ARHGEF11: variants seen among roughly 807,000 people sequenced by gnomAD.
The protein encoded by ARHGEF11 is Rho guanine exchange factor (GEF) 11.
A neutral mutation model predicts 193.7 loss-of-function variants in ARHGEF11; 55 were observed. The observed-to-expected ratio is 0.28, with a 90% CI of 0.23 to 0.36. ARHGEF11 has a LOEUF of 0.36. Ranked by LOEUF, ARHGEF11 falls within the 10% of genes least tolerant of loss-of-function variation. The probability of loss-of-function intolerance (pLI) is 1.00; values close to 1 mark genes in which losing one functional copy is unlikely to be tolerated. For missense variants in ARHGEF11, 1,723 were observed against 2,005.6 expected, an observed-to-expected ratio of 0.86 and a Z score of 2.69; for synonymous variants, 693 against 768.0, an observed-to-expected ratio of 0.90 and a Z score of 1.62.
intron 20 of ARHGEF11, 32 bp downstream of exon 20, chr1:156,955,660 CTGCCCAAGGAA>C (rs1283776042): frequency 4.6e-6 from 7 of 1,505,960 alleles, no homozygotes; most frequent in East Asian, 4.5e-5. Flanking sequence ...GCTGAGGTCC[CTGCCCAAGGAA>C]TGCCCAAGGC....
chr1:156,993,194 T>C (rs1386931637), intron 1 of ARHGEF11, among the ~76,000 whole-genome samples: 1 of 152,174 alleles, frequency 6.6e-6, no homozygotes, highest in Non-Finnish European at 1.5e-5. Flanking sequence ...AAGATGTGCA[T>C]AGAGTTGGTG....
At chr1:156,957,608 G>A (rs1210669822) in intron 18 of ARHGEF11, among the ~76,000 whole-genome samples, 184 bp downstream of exon 18, 3 of 152,132 alleles carry the variant, frequency 2.0e-5, no homozygotes, top group Admixed American at 6.6e-5. Flanking sequence ...CAGGGGCGTG[G>A]GCCTCATCAC....
chr1:156,954,088 C>T (rs1659537118), intron 21 of ARHGEF11, among the ~76,000 whole-genome samples: 1 of 152,058 alleles, frequency 6.6e-6, no homozygotes, highest in Non-Finnish European at 1.5e-5. Flanking sequence ...AAACAAAAAT[C>T]TGAGGCACTG....
chr1:157,037,829 G>A (rs1351930070), intron 1 of ARHGEF11, among the ~76,000 whole-genome samples: 1 of 151,800 alleles, frequency 6.6e-6, no homozygotes, highest in African/African-American at 2.4e-5. Context: ...TCAGGAGTTC[G>A]AGACCAGTCT....
intron 30 of ARHGEF11, 58 bp downstream of exon 30, chr1:156,944,961 G>C: frequency 6.3e-7 from 1 of 1,579,508 alleles, no homozygotes; most frequent in East Asian, 2.2e-5. Context: ...CCAGTGTTCT[G>C]CTCCTAAGGG....
chr1:156,995,393 C>T (rs1178673549), intron 1 of ARHGEF11, among the ~76,000 whole-genome samples: 2 of 152,146 alleles, frequency 1.3e-5, no homozygotes, highest in African/African-American at 2.4e-5. Flanking sequence ...TCTCTCCCCA[C>T]CTTGGCCTGG....
Position 156,948,617 on chromosome 1 carries a change from C to T in ARHGEF11, c.1926-119G>A. 6.3e-7 allele frequency: 1 copy of T among 1,593,424 alleles called. No individual in the cohort carries two copies. Among genetic ancestry groups the T allele is most frequent in the Non-Finnish European group, 8.5e-7 (1 of 1,172,416 alleles). Reference sequence around the variant, plus strand: ...ATGCCTCCGTGCCACAGGTTCTCCTCCTGAACATGGCCAAAGCAGCTGGAT... The same window carrying T: ...ATGCCTCCGTGCCACAGGTTCTCCTTCTGAACATGGCCAAAGCAGCTGGAT... On this transcript the variant is annotated intron_variant, in intron 22 of 40. Transcript: ENST00000368194. The surrounding 1 kb of genome is among the most constrained non-coding windows in gnomAD (Gnocchi z 4.2).
chr1:156,966,707 T>A (rs1661712269), intron 11 of ARHGEF11, among the ~76,000 whole-genome samples: 1 of 152,242 alleles, frequency 6.6e-6, no homozygotes, highest in Non-Finnish European at 1.5e-5. Flanking sequence ...TCTCATTCCA[T>A]CCTTTTGATT....
intron 13 of ARHGEF11, 129 bp from the exon 14 acceptor site, chr1:156,961,904 T>C (rs1660916017): frequency 2.8e-6 from 2 of 711,982 alleles, no homozygotes; most frequent in Non-Finnish European, 5.0e-6. Context: ...GCGGTGCTAC[T>C]GGCATCTAGT....
intron 1 of ARHGEF11, among the ~76,000 whole-genome samples, chr1:157,018,134 T>A (rs1021813716): frequency 2.0e-5 from 3 of 152,206 alleles, no homozygotes; most frequent in African/African-American, 7.2e-5. Flanking sequence ...ATAAGAAATG[T>A]ATAAGACTTG....
chr1:156,994,515 C>T (rs921386101), intron 1 of ARHGEF11, among the ~76,000 whole-genome samples: 16 of 151,348 alleles, frequency 1.1e-4, no homozygotes, highest in African/African-American at 3.2e-4. Context: ...CTAGGTAGGG[C>T]AGGGCCAGTA....
chr1:156,964,566 C>T (rs75836169), intron 11 of ARHGEF11, among the ~76,000 whole-genome samples: 3 of 152,150 alleles, frequency 2.0e-5, no homozygotes, highest in Admixed American at 6.5e-5. Flanking sequence ...CTCCTCACCC[C>T]TTTTTTGTTT....
At chr1:156,982,158 A>G (rs1664273504) in intron 3 of ARHGEF11, among the ~76,000 whole-genome samples, 1 of 152,168 alleles carries the variant, frequency 6.6e-6, no homozygotes, top group Non-Finnish European at 1.5e-5. Flanking sequence ...GCCTGAATGT[A>G]TGAAACACGT....
chr1:156,945,454 A>T lies in ARHGEF11; in HGVS notation c.2813-257T>A, dbSNP rs59602337. 5,334 of 505,976 alleles carry T rather than the reference A, an allele frequency of 0.011. 123 individuals carry two copies. Among genetic ancestry groups the T allele is most frequent in the African/African-American group, 0.068 (3,505 of 51,336 alleles). 31.3% of individuals were successfully genotyped at this position (505,976 alleles called of 1,614,324 possible). A position where few individuals can be genotyped will look rare whatever the true frequency, so the allele number is the denominator to read the frequency against. On this transcript the variant is annotated intron_variant, in intron 29 of 40. Coordinates refer to ENST00000368194, the MANE Select transcript of ARHGEF11 (RefSeq NM_198236.3). ...GGGAATCCCTGCCTCTACTACAACC[A>T]GCTCTACAGATGCAAGGGACAGAGA...
intron 13 of ARHGEF11, 56 bp downstream of exon 13, chr1:156,963,147 G>T: frequency 7.3e-7 from 1 of 1,360,800 alleles, no homozygotes; most frequent in African/African-American, 1.4e-5. Flanking sequence ...GAGGCTAGAG[G>T]TCCTCTCTGC....
At chr1:157,022,177 C>T (rs1320223814) in intron 1 of ARHGEF11, among the ~76,000 whole-genome samples, 1 of 152,132 alleles carries the variant, frequency 6.6e-6, no homozygotes, top group Non-Finnish European at 1.5e-5. Context: ...TGTGCTGAGT[C>T]TAGCTAGGGA....
intron 37 of ARHGEF11, 55 bp from the exon 38 acceptor site, chr1:156,938,568 G>A (rs1462275517): frequency 3.2e-6 from 5 of 1,555,250 alleles, no homozygotes; most frequent in Non-Finnish European, 4.4e-6. Flanking sequence ...CAAGGAAAGG[G>A]AAGGGAGAGA....
At chr1:156,971,848 G>A in intron 7 of ARHGEF11, 32 bp from the exon 8 acceptor site, 2 of 1,599,222 alleles carry the variant, frequency 1.3e-6, no homozygotes, top group Non-Finnish European at 1.7e-6. Flanking sequence ...AAGGGGGAGG[G>A]GAAAAGGCAG....
intron 1 of ARHGEF11, among the ~76,000 whole-genome samples, chr1:157,035,400 G>A (rs901864832): frequency 1.3e-5 from 2 of 149,468 alleles, no homozygotes; most frequent in Non-Finnish European, 3.0e-5. Flanking sequence ...TTCACAAAAT[G>A]CTTTTTTTTT....
Sources: gnomAD v4.1 joint callset for allele counts (sites outside exome capture counted in the v4.1 genomes callset) on GRCh38, gnomAD v4.1.1 for gene constraint, Gnocchi (gnomAD v3.1) non-coding constraint, MANE v1.5 for transcripts, NCBI Gene and HGNC (gene_info 2026-07-23, HGNC 2026-07-21) for gene names.